Variants in FOXK1 observed in about 807,000 individuals in gnomAD.
The protein encoded by FOXK1 is forkhead box protein K1.
Under a neutral mutation model 51.9 loss-of-function variants are expected in FOXK1, and 19 were observed. The ratio of observed to expected loss-of-function variants is 0.37; its 90% CI spans 0.26 to 0.54. FOXK1 has a LOEUF of 0.54. Ranked by LOEUF, FOXK1 falls within the 20% of genes least tolerant of loss-of-function variation. The pLI, the probability that FOXK1 is intolerant of heterozygous loss-of-function variation, is 0.87. For synonymous variants in FOXK1, 537 were observed against 482.6 expected, an observed-to-expected ratio of 1.11 and a Z score of -1.48; for missense variants, 870 against 1,032.7, an observed-to-expected ratio of 0.84 and a Z score of 2.16.
At chr7:4,701,174 A>C (rs1309300224) in intron 1 of FOXK1, among the ~76,000 whole-genome samples, 1 of 152,230 alleles carries the variant, frequency 6.6e-6, no homozygotes, top group Non-Finnish European at 1.5e-5. Context: ...TGAAGGCTGC[A>C]CGATCAGAGC....
intron 1 of FOXK1, among the ~76,000 whole-genome samples, chr7:4,740,495 C>T (rs1780619219): frequency 6.6e-6 from 1 of 151,734 alleles, no homozygotes; most frequent in South Asian, 2.1e-4. Context: ...CTCGTAATCC[C>T]AGCTACTCAG....
intron 1 of FOXK1, among the ~76,000 whole-genome samples, chr7:4,713,789 C>T (rs962312538): frequency 3.3e-5 from 5 of 151,694 alleles, no homozygotes; most frequent in African/African-American, 1.2e-4. Flanking sequence ...CGCACCCAGC[C>T]CCGTGTTTTC....
chr7:4,720,183 C>T (rs551853004), intron 1 of FOXK1, among the ~76,000 whole-genome samples: 7 of 152,164 alleles, frequency 4.6e-5, no homozygotes, highest in Non-Finnish European at 1.0e-4. Flanking sequence ...TGAGTTTCTT[C>T]GGGTTCATCC....
intron 2 of FOXK1, among the ~76,000 whole-genome samples, chr7:4,746,313 T>G (rs1158726461): frequency 6.6e-6 from 1 of 152,234 alleles, no homozygotes; most frequent in Non-Finnish European, 1.5e-5. Context: ...AGAGGTCTTT[T>G]GAGTTTGGAG....
At position 4,733,145 on chromosome 7, in the gene FOXK1, G is replaced by A. The variant is rs1780504546; in HGVS notation, c.561-7693G>A. ...TTTTGCAACAAAGGTCAAAAATAAC[G>A]AGGGCCAAGTTTGTTTCTTTTATAC... On this transcript the variant is annotated intron_variant, in intron 1 of 8. Transcript: ENST00000328914. The surrounding 1 kb of genome is among the most constrained non-coding windows in gnomAD (Gnocchi z 5.0). Among the ~76,000 whole-genome samples the A allele has an allele frequency of 2.0e-5, 3 of 152,002 alleles. No individual in the cohort carries two copies. Among genetic ancestry groups the A allele is most frequent in the Admixed American group, 6.6e-5 (1 of 15,252 alleles).
chr7:4,698,919 C>T (rs1162437482), intron 1 of FOXK1, among the ~76,000 whole-genome samples: 2 of 152,202 alleles, frequency 1.3e-5, no homozygotes, highest in East Asian at 3.8e-4. Flanking sequence ...AACTCCTAGG[C>T]TCAAATGATC....
Position 4,768,180 on chromosome 7 carries a change from T to TGC in FOXK1, c.*5717_*5718insCG. The TGC allele has an allele frequency of 8.1e-6, 1 of 123,188 alleles. No individual in the cohort carries two copies. The highest frequency in any genetic ancestry group is 1.6e-5 in the Non-Finnish European group (1 of 64,258). 7.6% of individuals were successfully genotyped at this position (123,188 alleles called of 1,614,324 possible). A position where few individuals can be genotyped will look rare whatever the true frequency, so the allele number is the denominator to read the frequency against. On this transcript the variant is annotated 3_prime_UTR_variant, in exon 9 of 9. Transcript: ENST00000328914. ...CGGAGTCTCGCTCTGTCGCCCAGGC[T>TGC]GGAGTGCAGTGGCGTGATCTCGGCT...
intron 1 of FOXK1, among the ~76,000 whole-genome samples, chr7:4,720,492 C>T (rs1334175762): frequency 6.6e-6 from 1 of 152,084 alleles, no homozygotes; most frequent in African/African-American, 2.4e-5. Flanking sequence ...TGAGCCCATT[C>T]ATTGAGGTTT....
In FOXK1 at chr7:4,768,294, G is replaced by C. The variant is rs886929418; in HGVS notation, c.*5830G>C. 1 of 146,750 alleles carries C rather than the reference G, an allele frequency of 6.8e-6. No homozygotes were observed. The highest frequency in any genetic ancestry group is 1.5e-5 in the Non-Finnish European group (1 of 67,640). 9.1% of individuals were successfully genotyped at this position (146,750 alleles called of 1,614,324 possible). A position where few individuals can be genotyped will look rare whatever the true frequency, so the allele number is the denominator to read the frequency against. The stretch of plus-strand genomic sequence containing the variant: ...ACTACAGGCGCCCGCTACCACGCCC[G>C]GCTAATTTTTTGTATTTTTAGTAGA... On this transcript the variant is annotated 3_prime_UTR_variant, in exon 9 of 9. Transcript: ENST00000328914.
In FOXK1 at chr7:4,749,116, A is replaced by G. The variant is rs1318606659; in HGVS notation, c.747-5343A>G. Among the ~76,000 whole-genome samples the G allele has an allele frequency of 2.0e-5, 3 of 151,244 alleles. No homozygotes were observed. Among genetic ancestry groups the G allele is most frequent in the African/African-American group, 7.3e-5 (3 of 41,122 alleles). ...AGTCTCTCCTTCCACCCTTTCTTGG[A>G]TTTGTATTTCTCTTCTTTTGAATTC... On this transcript the variant is annotated intron_variant, in intron 2 of 8. Coordinates refer to ENST00000328914, the MANE Select transcript of FOXK1 (RefSeq NM_001037165.2). The surrounding 1 kb of genome is among the most constrained non-coding windows in gnomAD (Gnocchi z 6.0).
intron 1 of FOXK1, among the ~76,000 whole-genome samples, chr7:4,720,668 G>A (rs1045847773): frequency 6.6e-5 from 10 of 151,746 alleles, no homozygotes; most frequent in Non-Finnish European, 1.5e-4. Context: ...AGGCAGACCT[G>A]TTGGAAACTG....
rs1461415633 is a variant in FOXK1, at chr7:4,756,081, TCAGTGTAGCGCATC to T, written c.1050+701_1050+714del. Reference sequence around the variant, plus strand: ...GCATTTGCCTGTATTTTCTCCAATGTCAGTGTAGCGCATCCACTAGCTTTGGTTTTTTGTTTGTT... The same window carrying T: ...GCATTTGCCTGTATTTTCTCCAATGTCACTAGCTTTGGTTTTTTGTTTGTT... On this transcript the variant is annotated intron_variant, in intron 4 of 8. Transcript: ENST00000328914. The surrounding 1 kb of genome is among the most constrained non-coding windows in gnomAD (Gnocchi z 4.1). Among the ~76,000 whole-genome samples the T allele has an allele frequency of 6.6e-6, 1 of 152,234 alleles. No homozygotes were observed. The highest frequency in any genetic ancestry group is 1.9e-4 in the East Asian group (1 of 5,196).
intron 1 of FOXK1, among the ~76,000 whole-genome samples, chr7:4,689,314 A>G (rs911690064): frequency 1.3e-5 from 2 of 152,174 alleles, no homozygotes; most frequent in Non-Finnish European, 1.5e-5. Flanking sequence ...GGCTGCCAGC[A>G]TCGGATACGT....
At chr7:4,751,992 G>A (rs1780785055) in intron 2 of FOXK1, among the ~76,000 whole-genome samples, 1 of 152,168 alleles carries the variant, frequency 6.6e-6, no homozygotes, top group Admixed American at 6.5e-5. Context: ...TCACTCTGTT[G>A]CCCAGGCTAG....
At position 4,683,140 on chromosome 7, in the gene FOXK1, C is replaced by A. The variant is rs1356920512; in HGVS notation, c.560+272C>A. ...GGTCTGGATACCCCGTCGCCCCCGA[C>A]CCCCACCGGCCTGGACTCTGGGGTC... is the stretch of plus-strand genomic sequence containing the variant. On this transcript the variant is annotated intron_variant, in intron 1 of 8. Transcript: ENST00000328914. This position sits in a 1 kb window ranked among gnomAD's most constrained non-coding sequence, Gnocchi z 4.5. Among the ~76,000 whole-genome samples the A allele has an allele frequency of 6.6e-6, 1 of 152,030 alleles. No individual in the cohort carries two copies. The highest frequency in any genetic ancestry group is 1.5e-5 in the Non-Finnish European group (1 of 67,974).
At chr7:4,754,387 C>G in intron 2 of FOXK1, 72 bp from the exon 3 acceptor site, 1 of 1,552,292 alleles carries the variant, frequency 6.4e-7, no homozygotes, top group Admixed American at 1.7e-5. Context: ...CTGGGTAGGT[C>G]CTGAAGCCCT....
At chr7:4,689,626 C>T (rs1056136586) in intron 1 of FOXK1, among the ~76,000 whole-genome samples, 7 of 152,282 alleles carry the variant, frequency 4.6e-5, no homozygotes, top group Non-Finnish European at 1.0e-4. Flanking sequence ...GCCAGTTTCT[C>T]ATGGCTATTT....
At position 4,757,155 on chromosome 7, in the gene FOXK1, C is replaced by A; in HGVS notation, c.1212C>A (p.Cys404Ter). 1 of 1,611,958 alleles carries A rather than the reference C, an allele frequency of 6.2e-7. No individual in the cohort carries two copies. The highest frequency in any genetic ancestry group is 8.5e-7 in the Non-Finnish European group (1 of 1,179,538). The change falls in exon 5 of 9, where the codon TGC becomes TGA. Residue 404 changes from cysteine to a stop codon, truncating the protein, a stop_gained. Transcript: ENST00000328914. LOFTEE classifies it high-confidence loss of function. ...FRKRRQRGVS[C>*]FRTPFGPLSS... The stretch of plus-strand genomic sequence containing the variant: ...AACGGAGGCAGAGGGGTGTCTCCTG[C>A]TTCCGCACCCCCTTCGGGCCTCTGT...
intron 1 of FOXK1, among the ~76,000 whole-genome samples, chr7:4,705,569 C>G (rs1209359497): frequency 6.6e-6 from 1 of 151,638 alleles, no homozygotes; most frequent in East Asian, 2.0e-4. Flanking sequence ...CGCTCTCGCT[C>G]TCTCGTCGCC....
Sources: allele counts gnomAD v4.1 joint callset (sites outside exome capture counted in the v4.1 genomes callset), GRCh38; gene constraint gnomAD v4.1.1; non-coding constraint Gnocchi (gnomAD v3.1); transcripts MANE v1.5; gene names NCBI Gene and HGNC (gene_info 2026-07-23, HGNC 2026-07-21).